Variants in NIPBL observed in about 807,000 individuals in gnomAD.
NIPBL encodes the protein NIPBL cohesin loading factor.
A neutral mutation model predicts 321.8 loss-of-function variants in NIPBL; 19 were observed. The observed-to-expected ratio is 0.06, with a 90% CI of 0.04 to 0.09. The LOEUF (loss-of-function observed/expected upper bound fraction) is 0.09. Ranked by LOEUF, NIPBL falls within the 10% of genes least tolerant of loss-of-function variation. The pLI is 1.00. For synonymous variants in NIPBL, 1,106 were observed against 1,114.1 expected (o/e 0.99, Z 0.14); for missense variants, 2,210 against 3,327.0 (o/e 0.66, Z 8.26).
chr5:36,896,744 C>G (rs1483644011), intron 1 of NIPBL, among the ~76,000 whole-genome samples: 2 of 151,480 alleles, frequency 1.3e-5, no homozygotes, highest in African/African-American at 4.9e-5. Context: ...GATTACAGTC[C>G]TTTGCCACCA....
At chr5:37,049,379 A>G in intron 40 of NIPBL, 78 bp downstream of exon 40, 1 of 1,456,640 alleles carries the variant, frequency 6.9e-7, no homozygotes, top group South Asian at 1.1e-5. Context: ...ATTATAGAGA[A>G]TAAGTAGTTC....
chr5:37,019,488 A>G (rs1433398523), intron 25 of NIPBL, 88 bp downstream of exon 25: 1 of 891,874 alleles, frequency 1.1e-6, no homozygotes, highest in Non-Finnish European at 1.9e-6. Flanking sequence ...ATGAAGAGGA[A>G]AACTTAAGTT....
intron 11 of NIPBL, among the ~76,000 whole-genome samples, chr5:36,998,281 G>T (rs1406790992): frequency 1.4e-5 from 2 of 147,318 alleles, no homozygotes; most frequent in African/African-American, 2.5e-5. Context: ...TATGGAAGTT[G>T]TTTTTTTTTT....
intron 1 of NIPBL, among the ~76,000 whole-genome samples, chr5:36,931,971 A>C (rs1265717659): frequency 1.3e-5 from 2 of 152,098 alleles, no homozygotes; most frequent in Non-Finnish European, 2.9e-5. Flanking sequence ...GCTGTATCCC[A>C]TGAAGTTTAA....
At chr5:36,937,461 G>A (rs115833045) in intron 1 of NIPBL, among the ~76,000 whole-genome samples, 256 of 152,096 alleles carry the variant, frequency 1.7e-3, no homozygotes, top group Non-Finnish European at 2.9e-3. Context: ...AAACCATACC[G>A]TTGGAGATCT....
chr5:37,062,911 C>A (rs1754911581), intron 45 of NIPBL, among the ~76,000 whole-genome samples: 1 of 151,048 alleles, frequency 6.6e-6, no homozygotes, highest in Non-Finnish European at 1.5e-5. Flanking sequence ...CAGAGTGAGA[C>A]CCTGTCTCAA....
intron 40 of NIPBL, 67 bp from the exon 41 acceptor site, chr5:37,051,712 T>C (rs1339285104): frequency 1.9e-6 from 2 of 1,068,920 alleles, no homozygotes; most frequent in Non-Finnish European, 2.9e-6. Context: ...ATGAAAAGTT[T>C]TGACATATGT....
At chr5:36,894,826 GTTTAT>G (rs1452946312) in intron 1 of NIPBL, among the ~76,000 whole-genome samples, 1 of 152,228 alleles carries the variant, frequency 6.6e-6, no homozygotes, top group East Asian at 1.9e-4. Flanking sequence ...TCAAGCTAAA[GTTTAT>G]TTTGTTTTAT....
chr5:36,933,754 T>C (rs1205511589), intron 1 of NIPBL, among the ~76,000 whole-genome samples: 3 of 152,126 alleles, frequency 2.0e-5, no homozygotes, highest in Non-Finnish European at 4.4e-5. Context: ...TAATCTTCCT[T>C]GCTCCTTCAT....
intron 1 of NIPBL, among the ~76,000 whole-genome samples, chr5:36,913,138 A>G (rs1748180249): frequency 6.6e-6 from 1 of 152,238 alleles, no homozygotes; most frequent in East Asian, 1.9e-4. Flanking sequence ...CATTATTGGA[A>G]TAATTGGAGA....
At chr5:37,055,811 G>A (rs552089737) in intron 42 of NIPBL, among the ~76,000 whole-genome samples, 2 of 151,886 alleles carry the variant, frequency 1.3e-5, no homozygotes, top group East Asian at 1.9e-4. Flanking sequence ...TTCCATACCA[G>A]CCTGGGCAAC....
At chr5:36,990,987 A>G (rs1295684913) in intron 10 of NIPBL, among the ~76,000 whole-genome samples, 1 of 151,626 alleles carries the variant, frequency 6.6e-6, no homozygotes, top group Non-Finnish European at 1.5e-5. Context: ...ATTCCCTTTT[A>G]TATTCTAAAA....
intron 9 of NIPBL, among the ~76,000 whole-genome samples, chr5:36,983,226 A>G (rs919476636): frequency 5.3e-5 from 8 of 151,926 alleles, no homozygotes; most frequent in African/African-American, 1.7e-4. Context: ...TAGAATTAAA[A>G]TGGTAGTGTT....
intron 10 of NIPBL, among the ~76,000 whole-genome samples, chr5:36,992,453 G>C (rs1215924360): frequency 6.6e-6 from 1 of 152,124 alleles, no homozygotes; most frequent in Non-Finnish European, 1.5e-5. Flanking sequence ...ATGTCATACA[G>C]ATAATTTTAA....
At position 37,014,675 on chromosome 5, in the gene NIPBL, C is replaced by T. The variant is rs1295257076; in HGVS notation, c.4561-8C>T. 1.9e-6 allele frequency: 3 copies of T among 1,572,370 alleles called. No homozygotes were observed. Among genetic ancestry groups the T allele is most frequent in the Admixed American group, 1.7e-5 (1 of 59,014 alleles). ...GTATCTTTATAAACTCACTTTTTTT[C>T]ATTCTAGATTGACCAGGATGTTGTC... is the stretch of plus-strand genomic sequence containing the variant. On this transcript the variant is annotated splice_region_variant and splice_polypyrimidine_tract_variant and intron_variant, in intron 21 of 46. Coordinates refer to ENST00000282516, the MANE Select transcript of NIPBL (RefSeq NM_133433.4).
chr5:37,026,197 ATTAG>A (rs777472504), intron 30 of NIPBL, 28 bp from the exon 31 acceptor site: 35 of 1,263,840 alleles, frequency 2.8e-5, no homozygotes, highest in Non-Finnish European at 3.7e-5. Flanking sequence ...ATTTGTTATA[ATTAG>A]TTAATTTGAA....
At position 37,016,089 on chromosome 5, in the gene NIPBL, T is replaced by C; in HGVS notation, c.4695T>C (p.Phe1565=). 2 of 1,613,982 alleles carry C rather than the reference T, an allele frequency of 1.2e-6. No individual in the cohort carries two copies. The highest frequency in any genetic ancestry group is 2.2e-5 in the South Asian group (2 of 91,076). ...EEDYRPLFEN[F]VQDLLSTVNK... is the part of the protein sequence containing the mutation. The stretch of plus-strand genomic sequence containing the variant: ...ATTACAGACCACTGTTTGAAAATTT[T>C]GTTCAAGACCTTCTTTCAACAGTCA... The change falls in exon 23 of 47, where the codon TTT becomes TTC. Residue 1565 remains phenylalanine (F), a synonymous_variant. Coordinates refer to ENST00000282516, the MANE Select transcript of NIPBL (RefSeq NM_133433.4).
chr5:36,995,587 T>C (rs755690880), intron 10 of NIPBL, 35 bp from the exon 11 acceptor site: 49 of 1,513,944 alleles, frequency 3.2e-5, no homozygotes, highest in Non-Finnish European at 4.5e-5. Flanking sequence ...TCTTCAGATT[T>C]ACATTTTTTT....
Position 37,039,542 on chromosome 5 carries a change from A to G in NIPBL, c.6108+804A>G, listed in dbSNP as rs114592330. Among the ~76,000 whole-genome samples, 679 of 152,190 alleles carry G rather than the reference A, an allele frequency of 4.5e-3. 6 individuals carry two copies. The highest frequency in any genetic ancestry group is 4.4e-3 in the Non-Finnish European group (301 of 67,960). ...TCATTTGCTTTATGAAGTAGGTACTATTATCTCTGTTTTACAGATAAGGAA... is the reference window on the plus strand; with the variant it reads ...TCATTTGCTTTATGAAGTAGGTACTGTTATCTCTGTTTTACAGATAAGGAA... On this transcript the variant is annotated intron_variant, in intron 34 of 46. Transcript: ENST00000282516.
Sources: gnomAD v4.1 joint callset for allele counts (sites outside exome capture counted in the v4.1 genomes callset) on GRCh38, gnomAD v4.1.1 for gene constraint, MANE v1.5 for transcripts, NCBI Gene and HGNC (gene_info 2026-07-23, HGNC 2026-07-21) for gene names.